SLC4A10: variants seen among roughly 807,000 people sequenced by gnomAD.
SLC4A10 encodes solute carrier family 4 member 10, also known as sodium-driven chloride bicarbonate exchanger.
SLC4A10 carries 42 observed loss-of-function variants against 137.7 expected under a neutral mutation model. The ratio of observed to expected loss-of-function variants is 0.30; its 90% CI spans 0.24 to 0.39. SLC4A10 has a LOEUF of 0.39. Among genes scored for constraint, SLC4A10 ranks in the 10% least tolerant of loss-of-function variants. The pLI, the probability that SLC4A10 is intolerant of heterozygous loss-of-function variation, is 1.00. For missense variants in SLC4A10, 925 were observed against 1,355.0 expected (o/e 0.68, Z 4.98); for synonymous variants, 474 against 464.1 (o/e 1.02, Z -0.27).
intron 11 of SLC4A10, among the ~76,000 whole-genome samples, chr2:161,899,811 G>A (rs1682628643): frequency 6.6e-6 from 1 of 152,086 alleles, no homozygotes; most frequent in East Asian, 1.9e-4. Flanking sequence ...TCAGTTGACA[G>A]ATGCTTCTCT....
chr2:161,870,721 A>G (rs1458102689), intron 6 of SLC4A10, among the ~76,000 whole-genome samples: 2 of 151,896 alleles, frequency 1.3e-5, no homozygotes, highest in South Asian at 2.1e-4. Context: ...ATAGCTGCAC[A>G]TTGTGGTTAG....
chr2:161,816,942 A>G (rs2057132942), intron 3 of SLC4A10, among the ~76,000 whole-genome samples: 5 of 152,184 alleles, frequency 3.3e-5, no homozygotes, highest in South Asian at 2.1e-4. Context: ...ATAAACATAC[A>G]TGTGCATGTG....
At chr2:161,804,810 G>C (rs1277363764) in intron 3 of SLC4A10, among the ~76,000 whole-genome samples, 1 of 152,008 alleles carries the variant, frequency 6.6e-6, no homozygotes, top group African/African-American at 2.4e-5. Flanking sequence ...GAAGATTTAT[G>C]ATATAGGAAA....
chr2:161,978,893 C>T (rs1384395949), intron 26 of SLC4A10, among the ~76,000 whole-genome samples: 2 of 152,140 alleles, frequency 1.3e-5, no homozygotes, highest in South Asian at 4.1e-4. Flanking sequence ...CTAAAACATG[C>T]TTTAACTTCC....
At chr2:161,646,299 A>C (rs1388066043) in intron 1 of SLC4A10, among the ~76,000 whole-genome samples, 1 of 152,034 alleles carries the variant, frequency 6.6e-6, no homozygotes, top group Non-Finnish European at 1.5e-5. Context: ...GTTTAATCCC[A>C]TTAGAGACTA....
chr2:161,945,628 C>T (rs1249810416), intron 16 of SLC4A10, among the ~76,000 whole-genome samples: 1 of 151,248 alleles, frequency 6.6e-6, no homozygotes, highest in African/African-American at 2.4e-5. Flanking sequence ...GTGTGAGTGC[C>T]TCTGTGTGTG....
intron 20 of SLC4A10, 36 bp from the exon 21 acceptor site, chr2:161,958,451 A>G (rs1349978839): frequency 1.9e-6 from 3 of 1,566,768 alleles, no homozygotes; most frequent in East Asian, 2.2e-5. Flanking sequence ...CTATTTGAAA[A>G]TGATTTCTGC....
chr2:161,902,015 T>G (rs1249447500), intron 12 of SLC4A10: 2 of 456,390 alleles, frequency 4.4e-6, no homozygotes, highest in East Asian at 1.4e-4. Context: ...TACTGCTTCC[T>G]AAATCCTCCC....
chr2:161,631,109 A>T (rs1166851001), intron 1 of SLC4A10, among the ~76,000 whole-genome samples: 1 of 151,692 alleles, frequency 6.6e-6, no homozygotes, highest in African/African-American at 2.4e-5. Context: ...AGAGACATAA[A>T]GTAGATTAGG....
chr2:161,644,342 A>G (rs992040343), intron 1 of SLC4A10, among the ~76,000 whole-genome samples: 1 of 152,074 alleles, frequency 6.6e-6, no homozygotes, highest in Non-Finnish European at 1.5e-5. Flanking sequence ...CCAAAAGTTA[A>G]AAAATTAGCC....
At chr2:161,721,877 T>A (rs1385469206) in intron 1 of SLC4A10, among the ~76,000 whole-genome samples, 1 of 152,228 alleles carries the variant, frequency 6.6e-6, no homozygotes, top group African/African-American at 2.4e-5. Flanking sequence ...GGATGTTTTG[T>A]TTGTTCCTTT....
chr2:161,700,562 T>A (rs1266166057), intron 1 of SLC4A10, among the ~76,000 whole-genome samples: 1 of 152,154 alleles, frequency 6.6e-6, no homozygotes, highest in Non-Finnish European at 1.5e-5. Flanking sequence ...AATAATATCA[T>A]TTATTGAACT....
At chr2:161,738,788 T>C (rs1478064182) in intron 1 of SLC4A10, among the ~76,000 whole-genome samples, 1 of 152,192 alleles carries the variant, frequency 6.6e-6, no homozygotes, top group Non-Finnish European at 1.5e-5. Context: ...GGACATTAGG[T>C]TTAGCCACTG....
chr2:161,871,709 A>T (rs1280147677), intron 6 of SLC4A10, among the ~76,000 whole-genome samples: 1 of 152,150 alleles, frequency 6.6e-6, no homozygotes, highest in Non-Finnish European at 1.5e-5. Flanking sequence ...AGTCAGAGGC[A>T]TAAAATCATA....
At chr2:161,761,108 A>G (rs2050212546) in intron 1 of SLC4A10, among the ~76,000 whole-genome samples, 1 of 152,098 alleles carries the variant, frequency 6.6e-6, no homozygotes, top group African/African-American at 2.4e-5. Flanking sequence ...GAGATTACAT[A>G]AAATACACAA....
intron 2 of SLC4A10, among the ~76,000 whole-genome samples, chr2:161,793,780 G>C (rs1054191526): frequency 6.6e-6 from 1 of 152,048 alleles, no homozygotes; most frequent in African/African-American, 2.4e-5. Flanking sequence ...CTTTCAAACT[G>C]CTTCTAAATA....
chr2:161,713,129 G>C (rs1202498254), intron 1 of SLC4A10, among the ~76,000 whole-genome samples: 2 of 151,782 alleles, frequency 1.3e-5, no homozygotes, highest in Non-Finnish European at 2.9e-5. Flanking sequence ...GCAAATAATA[G>C]AATAGTTCAT....
intron 11 of SLC4A10, among the ~76,000 whole-genome samples, chr2:161,900,418 G>A (rs182219582): frequency 5.9e-5 from 9 of 152,076 alleles, no homozygotes; most frequent in East Asian, 1.9e-4. Context: ...ACTATGCCAC[G>A]CATATAACAC....
intron 1 of SLC4A10, among the ~76,000 whole-genome samples, chr2:161,632,850 T>G (rs1265194934): frequency 6.6e-6 from 1 of 151,702 alleles, no homozygotes; most frequent in Non-Finnish European, 1.5e-5. Context: ...ATCATATATT[T>G]TTAAATTATT....
Sources: gnomAD v4.1 joint callset for allele counts (sites outside exome capture counted in the v4.1 genomes callset) on GRCh38, gnomAD v4.1.1 for gene constraint, MANE v1.5 for transcripts, NCBI Gene and HGNC (gene_info 2026-07-23, HGNC 2026-07-21) for gene names.